The following OCSTAMP variants were observed in gnomAD, a reference collection of about 807,000 sequenced individuals.
OCSTAMP encodes the protein transmembrane protein C20orf123.
OCSTAMP carries 17 observed loss-of-function variants against 25.2 expected under a neutral mutation model. That is an observed-to-expected ratio of 0.68 (90% CI 0.46 to 1.01). The LOEUF is 1.01. Among genes scored for constraint, OCSTAMP ranks in the 50% least tolerant of loss-of-function variants. OCSTAMP has a pLI of 0.00. For missense variants in OCSTAMP, 664 were observed against 694.6 expected, an observed-to-expected ratio of 0.96 and a Z score of 0.50; for synonymous variants, 345 against 318.9, an observed-to-expected ratio of 1.08 and a Z score of -0.87.
Position 46,550,497 on chromosome 20 carries a change from T to C in OCSTAMP, c.44+20A>G, listed in dbSNP as rs1207145468. The stretch of plus-strand genomic sequence containing the variant: ...GTTTTCTCACCTGTAGCCCTCAGTG[T>C]CCAAAGTCCCCAGACCTACCCGGTC... On this transcript the variant is annotated intron_variant, in intron 1 of 2. Coordinates refer to ENST00000279028, the MANE Select transcript of OCSTAMP (RefSeq NM_080721.3). The C allele has an allele frequency of 3.5e-5, 54 of 1,550,892 alleles. No homozygotes were observed. Among genetic ancestry groups the C allele is most frequent in the Non-Finnish European group, 4.6e-5 (53 of 1,146,416 alleles).
rs143071395 is a variant in OCSTAMP at position 46,549,275 on chromosome 20, G to A, written c.44+1242C>T. On this transcript the variant is annotated intron_variant, in intron 1 of 2. Transcript: ENST00000279028. ...CACAGAAGAGGGATCCTATAAAACT[G>A]CACCACTTGTTACTCTGATGATACT... Among the ~76,000 whole-genome samples the A allele has an allele frequency of 1.5e-3, 235 of 152,292 alleles. 1 individual carries two copies. The highest frequency in any genetic ancestry group is 5.6e-3 in the African/African-American group (233 of 41,558).
At position 46,542,071 on chromosome 20, in the gene OCSTAMP, C is replaced by A. The variant is rs760135984; in HGVS notation, c.1048-144G>T. 6 of 1,220,948 alleles carry A rather than the reference C, an allele frequency of 4.9e-6. No homozygotes were observed. In the East Asian group the frequency reaches 1.7e-4, roughly 36 times the overall value. The allele number at this position is 1,220,948 out of a possible 1,614,324, so 75.6% of individuals were successfully genotyped here. On this transcript the variant is annotated intron_variant, in intron 2 of 2. Transcript: ENST00000279028. Reference sequence around the variant, plus strand: ...CGTTTCCCAGGGTTTGAGGAGGACCCAATGAGACTAGGAGTCTGAAACAGG... The same window carrying A: ...CGTTTCCCAGGGTTTGAGGAGGACCAAATGAGACTAGGAGTCTGAAACAGG...
In OCSTAMP at chr20:46,545,787, A is replaced by G; in HGVS notation, c.587T>C (p.Phe196Ser). The change falls in exon 2 of 3, where the codon TTC becomes TCC. Residue 196 changes from phenylalanine to serine, a missense_variant. Transcript: ENST00000279028. ...AGTGACCCTGAGCATGTGAAGGTAG[A>G]AGGCAGAGCCATTGTCCTGGGCCTC... The part of the protein sequence containing the change: ...TFEAQDNGSA[F>S]YLHMLRVTQQ... The G allele has an allele frequency of 1.3e-6, 2 of 1,551,452 alleles. No homozygotes were observed. The highest frequency in any genetic ancestry group is 1.7e-6 in the Non-Finnish European group (2 of 1,147,002).
At chr20:46,547,739 T>C (rs974141327) in intron 1 of OCSTAMP, among the ~76,000 whole-genome samples, 5 of 152,106 alleles carry the variant, frequency 3.3e-5, no homozygotes, top group African/African-American at 1.2e-4. Flanking sequence ...GAAACACAGA[T>C]ACAGACAACT....
Position 46,541,386 on chromosome 20 carries a change from G to A in OCSTAMP, c.1589C>T (p.Pro530Leu). ...TLGKSLHLSEPRFLHLHNDSI... is the reference protein window; with the variant it reads ...TLGKSLHLSELRFLHLHNDSI... ...GTCGTTATGCAGATGTAGAAACCGA[G>A]GCTCAGAGAGGTGAAGTGACTTACC... Residue 530 changes from proline (P) to leucine (L), a missense_variant, in exon 3 of 3, where the codon CCT becomes CTT. Physicochemically the swap from Pro to Leu is moderately conservative, Grantham distance 98. Coordinates refer to ENST00000279028, the MANE Select transcript of OCSTAMP (RefSeq NM_080721.3). The A allele has an allele frequency of 1.1e-6, 1 of 950,558 alleles. No individual in the cohort carries two copies. The highest frequency in any genetic ancestry group is 1.7e-6 in the Non-Finnish European group (1 of 597,866). The allele number at this position is 950,558 out of a possible 1,614,324, so 58.9% of individuals were successfully genotyped here. A position where few individuals can be genotyped will look rare whatever the true frequency, so the allele number is the denominator to read the frequency against.
chr20:46,541,988 A>G, intron 2 of OCSTAMP, 61 bp from the exon 3 acceptor site: 1 of 1,384,660 alleles, frequency 7.2e-7, no homozygotes, highest in Non-Finnish European at 9.3e-7. Flanking sequence ...CCCCACCTCT[A>G]GGAGAGGCTT....
At chr20:46,546,448 T>G in intron 1 of OCSTAMP, 119 bp from the exon 2 acceptor site, 3 of 850,886 alleles carry the variant, frequency 3.5e-6, no homozygotes, top group Non-Finnish European at 3.6e-6. Flanking sequence ...ACCCTTGTAG[T>G]TACCCAGGTG....
In OCSTAMP at chr20:46,541,241, C is replaced by G; in HGVS notation, c.*33G>C. The G allele has an allele frequency of 1.4e-6, 1 of 706,986 alleles. No individual in the cohort carries two copies. The highest frequency in any genetic ancestry group is 2.7e-5 in the East Asian group (1 of 37,148). 43.8% of individuals were successfully genotyped at this position (706,986 alleles called of 1,614,324 possible). A position where few individuals can be genotyped will look rare whatever the true frequency, so the allele number is the denominator to read the frequency against. ...AGGAACCATGAGCTCTCTCTGCACT[C>G]CTTGTCTTCGCCTTTGCATGGTTCT... is the stretch of plus-strand genomic sequence containing the variant. On this transcript the variant is annotated 3_prime_UTR_variant, in exon 3 of 3. Transcript: ENST00000279028.
At chr20:46,544,979 G>A (rs2061846284) in intron 2 of OCSTAMP, among the ~76,000 whole-genome samples, 1 of 152,174 alleles carries the variant, frequency 6.6e-6, no homozygotes, top group Non-Finnish European at 1.5e-5. Context: ...CACATTGTAA[G>A]ACACAATAGC....
At chr20:46,550,390 G>A in intron 1 of OCSTAMP, 127 bp downstream of exon 1, 1 of 731,192 alleles carries the variant, frequency 1.4e-6, no homozygotes, top group African/African-American at 1.8e-5. Flanking sequence ...ACAGAGAACT[G>A]AGGATTTGCC....
intron 2 of OCSTAMP, among the ~76,000 whole-genome samples, chr20:46,543,310 CTTTCTTTCTTT>C (rs1340351466): frequency 2.3e-5 from 3 of 128,344 alleles, no homozygotes; most frequent in African/African-American, 8.7e-5. Flanking sequence ...TCTTTCCTTT[CTTTCTTTCTTT>C]CTTTCTTTCT....
intron 2 of OCSTAMP, among the ~76,000 whole-genome samples, chr20:46,542,691 C>A (rs2146051633): frequency 6.6e-6 from 1 of 152,058 alleles, no homozygotes; most frequent in South Asian, 2.1e-4. Flanking sequence ...CTGGGCCCTG[C>A]AGTTTCCATA....
intron 2 of OCSTAMP, among the ~76,000 whole-genome samples, chr20:46,544,028 G>A (rs1384399291): frequency 1.3e-5 from 2 of 152,160 alleles, no homozygotes; most frequent in African/African-American, 2.4e-5. Flanking sequence ...GAGCCACATA[G>A]TGGGACACCA....
Position 46,550,596 on chromosome 20 carries a change from G to A in OCSTAMP, c.-36C>T, listed in dbSNP as rs1244100627. The A allele has an allele frequency of 1.8e-5, 28 of 1,549,540 alleles. No individual in the cohort carries two copies. In the East Asian group the frequency reaches 5.6e-4, roughly 31 times the overall value. On this transcript the variant is annotated 5_prime_UTR_variant, in exon 1 of 3. Transcript: ENST00000279028. ...TGGCAGTGGTTTCAGGCGGGCGGTC[G>A]CTGGCAGCTGTGGCAGGTGGAGAGG...
intron 1 of OCSTAMP, among the ~76,000 whole-genome samples, chr20:46,546,936 A>G (rs2061855106): frequency 6.6e-6 from 1 of 152,222 alleles, no homozygotes; most frequent in Non-Finnish European, 1.5e-5. Flanking sequence ...AGAAACAGGA[A>G]TGAAAAAAAC....
rs1216548282 is a variant in OCSTAMP at position 46,545,736 on chromosome 20, C to A, written c.638G>T (p.Gly213Val). 1.3e-6 allele frequency: 2 copies of A among 1,551,478 alleles called. No homozygotes were observed. Among genetic ancestry groups the A allele is most frequent in the East Asian group, 2.4e-5 (1 of 40,920 alleles). ...VTQQVLEDFS[G>V]LESLARAAAL... ...TGCTGCCCGGGCCAGGGACTCCAGG[C>A]CAGAGAAATCCTCCAGGACCTGCTG... Residue 213 changes from glycine (G) to valine (V), a missense_variant, in exon 2 of 3, where the codon GGC becomes GTC. Gly to Val is a moderately radical substitution (Grantham distance 109). Coordinates refer to ENST00000279028, the MANE Select transcript of OCSTAMP (RefSeq NM_080721.3).
intron 1 of OCSTAMP, among the ~76,000 whole-genome samples, chr20:46,549,972 A>AG (rs1283774725): frequency 6.6e-6 from 1 of 152,142 alleles, no homozygotes; most frequent in Non-Finnish European, 1.5e-5. Flanking sequence ...CACCTTTGAC[A>AG]GGGGAGCAGC....
intron 1 of OCSTAMP, among the ~76,000 whole-genome samples, chr20:46,547,886 G>T (rs1397965077): frequency 1.3e-5 from 2 of 152,142 alleles, no homozygotes; most frequent in South Asian, 4.2e-4. Context: ...CATCGAGAGG[G>T]GAGACATTGA....
Position 46,541,231 on chromosome 20 carries a change from T to TC in OCSTAMP, c.*42dup, listed in dbSNP as rs111768063. The TC allele has an allele frequency of 1.7e-5, 12 of 698,028 alleles. No individual in the cohort carries two copies. The highest frequency in any genetic ancestry group is 1.1e-4 in the African/African-American group (6 of 57,108). 43.2% of individuals were successfully genotyped at this position (698,028 alleles called of 1,614,324 possible). A position where few individuals can be genotyped will look rare whatever the true frequency, so the allele number is the denominator to read the frequency against. ...ACCAGCCTGGAGGAACCATGAGCTC[T>TC]CTCTGCACTCCTTGTCTTCGCCTTT... On this transcript the variant is annotated 3_prime_UTR_variant, in exon 3 of 3. Coordinates refer to ENST00000279028, the MANE Select transcript of OCSTAMP (RefSeq NM_080721.3).
Sources: gnomAD v4.1 joint callset for allele counts (sites outside exome capture counted in the v4.1 genomes callset) on GRCh38, gnomAD v4.1.1 for gene constraint, MANE v1.5 for transcripts, NCBI Gene and HGNC (gene_info 2026-07-23, HGNC 2026-07-21) for gene names.